Variants in MBOAT1 observed in about 807,000 individuals in gnomAD.
The protein encoded by MBOAT1 is membrane bound glycerophospholipid O-acyltransferase 1.
Under a neutral mutation model 64.4 loss-of-function variants are expected in MBOAT1, and 67 were observed. That is an observed-to-expected ratio of 1.04 (90% confidence interval 0.85 to 1.27). MBOAT1 has a LOEUF of 1.27. Ranked by LOEUF, MBOAT1 falls within the 50% of genes most tolerant of loss-of-function variation. The pLI is 0.00. For synonymous variants in MBOAT1, 229 were observed against 218.9 expected (o/e 1.05, Z -0.41); for missense variants, 563 against 604.6 (o/e 0.93, Z 0.72).
rs756853889 is a variant in MBOAT1, at chr6:20,109,901, A to ATTTT, written c.1210-153_1210-152insAAAA. On this transcript the variant is annotated intron_variant, in intron 11 of 12. Transcript: ENST00000324607. ...ATTTTCGACTACAAATACCATCAGG[A>ATTTT]CTTTTTTTTTTTTTTTTTTTTTTTT... 542 of 299,702 alleles carry ATTTT rather than the reference A, an allele frequency of 1.8e-3. 15 individuals are homozygous for ATTTT. The highest frequency in any genetic ancestry group is 3.4e-3 in the South Asian group (46 of 13,338). 18.6% of individuals were successfully genotyped at this position (299,702 alleles called of 1,614,324 possible). A position where few individuals can be genotyped will look rare whatever the true frequency, so the allele number is the denominator to read the frequency against.
intron 4 of MBOAT1, among the ~76,000 whole-genome samples, chr6:20,139,011 C>A (rs1038098330): frequency 3.9e-5 from 6 of 152,184 alleles, no homozygotes; most frequent in Admixed American, 3.3e-4. Context: ...TGGCCGTCTT[C>A]CCTGTATGCA....
intron 1 of MBOAT1, among the ~76,000 whole-genome samples, chr6:20,180,090 C>G (rs756765224): frequency 1.3e-5 from 2 of 152,174 alleles, no homozygotes; most frequent in Non-Finnish European, 2.9e-5. Context: ...AATTTCCCCA[C>G]AAGAACCGGA....
chr6:20,145,083 A>G (rs843327), intron 3 of MBOAT1, among the ~76,000 whole-genome samples: 96,022 of 152,110 alleles, frequency 0.63, 30,380 homozygotes, highest in Middle Eastern at 0.66. Flanking sequence ...TAAGCTGTGC[A>G]ATGAATGATT....
chr6:20,107,988 T>A (rs1450258326), intron 12 of MBOAT1, among the ~76,000 whole-genome samples: 1 of 151,976 alleles, frequency 6.6e-6, no homozygotes, highest in African/African-American at 2.4e-5. Context: ...CAAATGGGAA[T>A]GAAATTGGAG....
intron 12 of MBOAT1, among the ~76,000 whole-genome samples, chr6:20,103,043 T>A (rs1048553110): frequency 6.6e-6 from 1 of 152,228 alleles, no homozygotes; most frequent in Non-Finnish European, 1.5e-5. Flanking sequence ...GGTTTATATA[T>A]TTACAATACT....
intron 1 of MBOAT1, among the ~76,000 whole-genome samples, chr6:20,170,258 G>C (rs1382735707): frequency 1.3e-5 from 2 of 152,132 alleles, no homozygotes; most frequent in African/African-American, 4.8e-5. Flanking sequence ...TTGATCTCCA[G>C]CCCAGATGTC....
At chr6:20,166,137 T>C (rs988617783) in intron 1 of MBOAT1, among the ~76,000 whole-genome samples, 20 of 152,300 alleles carry the variant, frequency 1.3e-4, no homozygotes, top group African/African-American at 4.3e-4. Context: ...CCCATATGCA[T>C]TGATTTCTCC....
intron 1 of MBOAT1, among the ~76,000 whole-genome samples, chr6:20,199,099 T>A (rs933622301): frequency 5.5e-4 from 84 of 152,186 alleles, no homozygotes; most frequent in African/African-American, 2.0e-3. Context: ...TTACTTCCAT[T>A]TCCTGTACTT....
intron 1 of MBOAT1, among the ~76,000 whole-genome samples, chr6:20,178,162 G>A (rs141212626): frequency 9.9e-5 from 15 of 152,266 alleles, no homozygotes; most frequent in Non-Finnish European, 2.1e-4. Flanking sequence ...TTTCAATGGC[G>A]TAAACTTAAA....
chr6:20,118,146 A>T (rs1434925565), intron 9 of MBOAT1, among the ~76,000 whole-genome samples: 1 of 152,202 alleles, frequency 6.6e-6, no homozygotes, highest in Non-Finnish European at 1.5e-5. Context: ...TTCTAGTTGA[A>T]AGAGCAGAAA....
intron 1 of MBOAT1, among the ~76,000 whole-genome samples, chr6:20,196,276 T>C (rs1762952659): frequency 6.6e-6 from 1 of 152,104 alleles, no homozygotes; most frequent in East Asian, 1.9e-4. Context: ...CCACAGATAA[T>C]GCACAACAGA....
In MBOAT1 at chr6:20,109,716, A is replaced by G. The variant is rs749605234; in HGVS notation, c.1243T>C (p.Ser415Pro). 18 of 1,614,038 alleles carry G rather than the reference A, an allele frequency of 1.1e-5. No homozygotes were observed. Among genetic ancestry groups the G allele is most frequent in the Non-Finnish European group, 1.5e-5 (18 of 1,179,984 alleles). Reference protein sequence around the residue: ...RNNYRHYFLSSRALKAVYDAG... With the variant: ...RNNYRHYFLSPRALKAVYDAG... ...TCATACACAGCCTTGAGAGCTCTTG[A>G]AGAAAGGAAGTAATGTCTGTAGTTG... The change falls in exon 12 of 13, where the codon TCA becomes CCA. Residue 415 changes from serine to proline, a missense_variant. Ser to Pro is a moderately conservative substitution (Grantham distance 74). Coordinates refer to ENST00000324607, the MANE Select transcript of MBOAT1 (RefSeq NM_001080480.3).
intron 10 of MBOAT1, among the ~76,000 whole-genome samples, chr6:20,113,713 TC>T (rs1322590155): frequency 1.3e-5 from 2 of 149,886 alleles, no homozygotes; most frequent in African/African-American, 4.9e-5. Flanking sequence ...GACAGGGAAT[TC>T]CCCCCCAAAA....
chr6:20,205,692 G>A (rs887681490), intron 1 of MBOAT1, among the ~76,000 whole-genome samples: 1 of 152,026 alleles, frequency 6.6e-6, no homozygotes, highest in Non-Finnish European at 1.5e-5. Context: ...TGGACCTGGG[G>A]GTTTATACCT....
intron 1 of MBOAT1, among the ~76,000 whole-genome samples, chr6:20,211,156 G>A (rs1763405298): frequency 6.6e-6 from 1 of 152,172 alleles, no homozygotes; most frequent in Non-Finnish European, 1.5e-5. Context: ...TAAGGCAAAT[G>A]TCCAGGTCTC....
intron 1 of MBOAT1, among the ~76,000 whole-genome samples, chr6:20,167,154 GATGTGACATA>G (rs1237009734): frequency 6.6e-6 from 1 of 152,046 alleles, no homozygotes; most frequent in Non-Finnish European, 1.5e-5. Flanking sequence ...CAATACTATG[GATGTGACATA>G]ATTTACTCAA....
chr6:20,102,470 C>G, intron 12 of MBOAT1, 58 bp from the exon 13 acceptor site: 1 of 1,432,290 alleles, frequency 7.0e-7, no homozygotes. Flanking sequence ...TGGGAAACAC[C>G]ACCTAATTAT....
At chr6:20,126,427 G>T in intron 7 of MBOAT1, 90 bp downstream of exon 7, 1 of 1,097,036 alleles carries the variant, frequency 9.1e-7, no homozygotes, top group East Asian at 2.6e-5. Flanking sequence ...CAAGCTTTCT[G>T]GTAAACTGTT....
At chr6:20,136,825 T>G (rs1396452876) in intron 4 of MBOAT1, among the ~76,000 whole-genome samples, 5 of 152,254 alleles carry the variant, frequency 3.3e-5, no homozygotes, top group Non-Finnish European at 5.9e-5. Flanking sequence ...AGAATGAGTA[T>G]TAAAATCACC....
Sources: allele counts gnomAD v4.1 joint callset (sites outside exome capture counted in the v4.1 genomes callset), GRCh38; gene constraint gnomAD v4.1.1; transcripts MANE v1.5; gene names NCBI Gene and HGNC (gene_info 2026-07-23, HGNC 2026-07-21).